Variants in CADPS2 observed in about 807,000 individuals in gnomAD.
CADPS2 encodes the protein calcium-dependent secretion activator 2.
CADPS2 carries 93 observed loss-of-function variants against 172.5 expected under a neutral mutation model. The observed-to-expected ratio is 0.54, with a 90% CI of 0.46 to 0.64. The LOEUF (loss-of-function observed/expected upper bound fraction) is 0.64, where lower values mean the gene tolerates loss of function less well. CADPS2 is among the 30% of genes least tolerant of loss of function. CADPS2 has a pLI of 0.00. For synonymous variants in CADPS2, 546 were observed against 555.2 expected, an observed-to-expected ratio of 0.98 and a Z score of 0.23; for missense variants, 1,420 against 1,565.9, an observed-to-expected ratio of 0.91 and a Z score of 1.57.
chr7:122,588,349 T>C (rs1156671098), intron 6 of CADPS2, among the ~76,000 whole-genome samples: 2 of 152,054 alleles, frequency 1.3e-5, no homozygotes, highest in African/African-American at 4.8e-5. Context: ...ATTTAAATCT[T>C]TAATCCATCT....
chr7:122,626,663 A>C (rs557896601), intron 4 of CADPS2, among the ~76,000 whole-genome samples: 1 of 152,300 alleles, frequency 6.6e-6, no homozygotes, highest in African/African-American at 2.4e-5. Flanking sequence ...ATAAAATGTA[A>C]GCTCCACCAG....
chr7:122,700,390 A>G (rs998079298), intron 2 of CADPS2, among the ~76,000 whole-genome samples: 19 of 152,182 alleles, frequency 1.2e-4, no homozygotes, highest in Non-Finnish European at 5.9e-5. Context: ...AATACTGATG[A>G]TATAAAACAT....
chr7:122,370,216 A>G (rs775633793), intron 25 of CADPS2, among the ~76,000 whole-genome samples: 1 of 152,036 alleles, frequency 6.6e-6, no homozygotes, highest in Non-Finnish European at 1.5e-5. Flanking sequence ...TATGGCTTGC[A>G]TTTTATGTTT....
intron 2 of CADPS2, among the ~76,000 whole-genome samples, chr7:122,729,676 G>GTTTTTTTTTTTTTTTTTTTTTTTTTTT (rs56993717): frequency 1.1e-5 from 1 of 94,238 alleles, no homozygotes. Context: ...ATTTTTAACG[G>GTTTTTTTTTTTTTTTTTTTTTTTTTTT]TTTTTTTTTT....
At chr7:122,381,527 A>G (rs966556404) in intron 24 of CADPS2, among the ~76,000 whole-genome samples, 1 of 152,142 alleles carries the variant, frequency 6.6e-6, no homozygotes, top group Non-Finnish European at 1.5e-5. Flanking sequence ...TGTATATAAA[A>G]TACAGAGCTT....
At chr7:122,551,715 A>G (rs770105969) in intron 8 of CADPS2, among the ~76,000 whole-genome samples, 1 of 152,152 alleles carries the variant, frequency 6.6e-6, no homozygotes. Flanking sequence ...AGATAAATTA[A>G]TATTTTTAAA....
In CADPS2 at chr7:122,576,824, G is replaced by A. The variant is rs141485817; in HGVS notation, c.1335+4355C>T. On this transcript the variant is annotated intron_variant, in intron 7 of 29. Coordinates refer to ENST00000449022, the MANE Select transcript of CADPS2 (RefSeq NM_017954.11). ...GTCTTGCTCTGTTGCCCAGTGGCGCGATCTCGGCTCATGAAACCTCTGCCT... is the reference window on the plus strand; with the variant it reads ...GTCTTGCTCTGTTGCCCAGTGGCGCAATCTCGGCTCATGAAACCTCTGCCT... Among the ~76,000 whole-genome samples, 65 of 150,172 alleles carry A rather than the reference G, an allele frequency of 4.3e-4. 1 individual carries two copies. In the East Asian group the frequency reaches 0.012, roughly 29 times the overall value.
At chr7:122,417,367 T>G (rs1416320052) in intron 17 of CADPS2, among the ~76,000 whole-genome samples, 1 of 152,174 alleles carries the variant, frequency 6.6e-6, no homozygotes, top group African/African-American at 2.4e-5. Flanking sequence ...GGAAAGCCAT[T>G]GCTCCTCTGT....
intron 3 of CADPS2, among the ~76,000 whole-genome samples, chr7:122,644,963 G>A (rs1026085991): frequency 6.6e-6 from 1 of 151,636 alleles, no homozygotes; most frequent in Non-Finnish European, 1.5e-5. Context: ...CAGTTATAAG[G>A]GTCTTAAAAA....
At chr7:122,417,111 C>A (rs1436277126) in intron 17 of CADPS2, among the ~76,000 whole-genome samples, 2 of 152,028 alleles carry the variant, frequency 1.3e-5, no homozygotes, top group Non-Finnish European at 2.9e-5. Context: ...AATAGTTTTC[C>A]CTTGATTTAC....
intron 2 of CADPS2, among the ~76,000 whole-genome samples, chr7:122,703,237 G>A (rs1283321408): frequency 6.6e-6 from 1 of 152,088 alleles, no homozygotes; most frequent in Non-Finnish European, 1.5e-5. Flanking sequence ...TAGCTGTAAG[G>A]CAAAGGCAAA....
At chr7:122,432,915 C>T (rs2050144280) in intron 17 of CADPS2, among the ~76,000 whole-genome samples, 1 of 151,922 alleles carries the variant, frequency 6.6e-6, no homozygotes, top group Non-Finnish European at 1.5e-5. Flanking sequence ...AGAACATTTA[C>T]AAGGTAACCC....
In CADPS2 at chr7:122,388,588, G is replaced by A; in HGVS notation, c.3159C>T (p.Val1053=). 1 of 1,580,440 alleles carries A rather than the reference G, an allele frequency of 6.3e-7. No individual in the cohort carries two copies. Among genetic ancestry groups the A allele is most frequent in the South Asian group, 1.1e-5 (1 of 87,102 alleles). The part of the protein sequence containing the change: ...LMASDMLEAC[V]KRTRTAFELK... The stretch of plus-strand genomic sequence containing the variant: ...ATTTGAAAATACATGTCTACCTTTT[G>A]ACACAGGCCTCTAGCATATCACTGG... The change falls in exon 23 of 30, where the codon GTC becomes GTT. Residue 1053 remains valine, a synonymous_variant. Coordinates refer to ENST00000449022, the MANE Select transcript of CADPS2 (RefSeq NM_017954.11).
intron 8 of CADPS2, among the ~76,000 whole-genome samples, chr7:122,532,503 T>C (rs1202014524): frequency 1.3e-5 from 2 of 152,102 alleles, no homozygotes; most frequent in African/African-American, 4.8e-5. Context: ...CTTGTGAATA[T>C]ACACACTGCC....
intron 2 of CADPS2, among the ~76,000 whole-genome samples, chr7:122,680,847 T>C (rs1257170380): frequency 6.6e-6 from 1 of 152,056 alleles, no homozygotes; most frequent in Admixed American, 6.6e-5. Context: ...TATTGCGGCA[T>C]TATTCACAAT....
chr7:122,391,707 T>C (rs1225517770), intron 22 of CADPS2, among the ~76,000 whole-genome samples: 1 of 152,174 alleles, frequency 6.6e-6, no homozygotes, highest in Non-Finnish European at 1.5e-5. Context: ...TGGAGAAATA[T>C]TGCCAAATTA....
chr7:122,850,375 C>T (rs763484038), intron 1 of CADPS2: 15 of 356,072 alleles, frequency 4.2e-5, no homozygotes, highest in Non-Finnish European at 8.0e-5. Context: ...GGGGTGACAC[C>T]TTCCCTCCCC....
intron 17 of CADPS2, among the ~76,000 whole-genome samples, chr7:122,418,529 T>A (rs2048196733): frequency 6.6e-6 from 1 of 152,124 alleles, no homozygotes. Flanking sequence ...TTTAGGAAAA[T>A]GTATTTTGGT....
chr7:122,746,795 C>G (rs2092736776), intron 1 of CADPS2, among the ~76,000 whole-genome samples: 3 of 152,090 alleles, frequency 2.0e-5, no homozygotes, highest in African/African-American at 7.2e-5. Flanking sequence ...TTATTTGATT[C>G]TAGGTCTTCA....
Sources: allele counts gnomAD v4.1 joint callset (sites outside exome capture counted in the v4.1 genomes callset), GRCh38; gene constraint gnomAD v4.1.1; transcripts MANE v1.5; gene names NCBI Gene and HGNC (gene_info 2026-07-23, HGNC 2026-07-21).